Variants in ACSS3 observed in about 807,000 individuals in gnomAD.
ACSS3 encodes the protein acyl-CoA synthetase short-chain family member 3, mitochondrial.
In ACSS3, 64 loss-of-function variants were observed where a neutral mutation model predicts 84.2. The ratio of observed to expected loss-of-function variants is 0.76; its 90% CI spans 0.62 to 0.94. The LOEUF (loss-of-function observed/expected upper bound fraction) is 0.94. Ranked by LOEUF, ACSS3 falls within the 40% of genes least tolerant of loss-of-function variation. The pLI is 0.00. For synonymous variants in ACSS3, 317 were observed against 310.1 expected (o/e 1.02, Z -0.23); for missense variants, 815 against 867.6 (o/e 0.94, Z 0.76).
chr12:81,228,965 G>C (rs1340275512), intron 11 of ACSS3, among the ~76,000 whole-genome samples: 1 of 151,674 alleles, frequency 6.6e-6, no homozygotes, highest in African/African-American at 2.4e-5. Context: ...CAGATATTTG[G>C]ATCAGCACTC....
rs914039814 is a variant in ACSS3 at position 81,143,185 on chromosome 12, C to T, written c.859C>T (p.Pro287Ser). ...AAAAGCCCAGTCACATGACTGTGTT[C>T]CTGTTCTTTCAGAACACCCACTGTA... ...MAKAQSHDCV[P>S]VLSEHPLYIL... Residue 287 changes from proline (P) to serine (S), a missense_variant, in exon 5 of 16, where the codon CCT becomes TCT. Pro to Ser is a moderately conservative substitution (Grantham distance 74). Coordinates refer to ENST00000548058, the MANE Select transcript of ACSS3 (RefSeq NM_024560.4). 2 of 1,613,470 alleles carry T rather than the reference C, an allele frequency of 1.2e-6. No homozygotes were observed.
chr12:81,231,026 C>A, intron 11 of ACSS3, 31 bp from the exon 12 acceptor site: 1 of 1,530,182 alleles, frequency 6.5e-7, no homozygotes, highest in South Asian at 1.1e-5. Flanking sequence ...CCACTTTCAT[C>A]ATAATTTTAA....
rs377606065 is a variant in ACSS3, at chr12:81,254,955, T to C, written c.*33T>C. The C allele has an allele frequency of 3.3e-5, 49 of 1,468,464 alleles. No homozygotes were observed. The East Asian group carries it at 5.9e-4, about 18-fold the overall frequency. The allele number at this position is 1,468,464 out of a possible 1,614,324, so 91.0% of individuals were successfully genotyped here. Reference sequence around the variant, plus strand: ...GTCTTATTCCTATTTTGAGTTGATTTAATTTCTTAATTGAAATTAAATTAT... The same window carrying C: ...GTCTTATTCCTATTTTGAGTTGATTCAATTTCTTAATTGAAATTAAATTAT... On this transcript the variant is annotated 3_prime_UTR_variant, in exon 16 of 16. Transcript: ENST00000548058.
chr12:81,151,698 C>A, intron 5 of ACSS3, 146 bp from the exon 6 acceptor site: 1 of 631,046 alleles, frequency 1.6e-6, no homozygotes, highest in Non-Finnish European at 2.6e-6. Flanking sequence ...AATAATGATT[C>A]AAAGATAATT....
rs1271429135 is a variant in ACSS3, at chr12:81,217,121, A to T, written c.1450+125A>T. On this transcript the variant is annotated intron_variant, in intron 10 of 15. Transcript: ENST00000548058. The stretch of plus-strand genomic sequence containing the variant: ...GAATCTGGTTGAATGAATGCCTTGT[A>T]TTAAAAATGAATGCCTTAATTTTTG... 4 of 636,882 alleles carry T rather than the reference A, an allele frequency of 6.3e-6. No individual in the cohort carries two copies. In the Admixed American group the frequency reaches 8.7e-5, roughly 14 times the overall value. The allele number at this position is 636,882 out of a possible 1,614,324, so 39.5% of individuals were successfully genotyped here.
chr12:81,079,567 C>T (rs1025570596), intron 1 of ACSS3, among the ~76,000 whole-genome samples: 2 of 152,162 alleles, frequency 1.3e-5, no homozygotes, highest in African/African-American at 4.8e-5. Context: ...CATGGTGTTC[C>T]CTTTAGAATC....
At chr12:81,225,497 G>C (rs537198363) in intron 11 of ACSS3, among the ~76,000 whole-genome samples, 1 of 151,988 alleles carries the variant, frequency 6.6e-6, no homozygotes, top group Admixed American at 6.6e-5. Flanking sequence ...AAACACACAT[G>C]CTATTTCCAG....
chr12:81,250,937 T>C (rs2034130574), intron 13 of ACSS3, among the ~76,000 whole-genome samples: 1 of 152,172 alleles, frequency 6.6e-6, no homozygotes, highest in Admixed American at 6.5e-5. Flanking sequence ...GCAGTAAAAG[T>C]TGTCTCTCTG....
intron 5 of ACSS3, 126 bp from the exon 6 acceptor site, chr12:81,151,718 C>A: frequency 1.4e-6 from 1 of 718,514 alleles, no homozygotes; most frequent in African/African-American, 1.8e-5. Context: ...TTTATAAAAG[C>A]CAAAGTAACT....
At chr12:81,225,082 C>T (rs2033228310) in intron 11 of ACSS3, among the ~76,000 whole-genome samples, 1 of 151,488 alleles carries the variant, frequency 6.6e-6, no homozygotes. Flanking sequence ...ATGTAGGGTT[C>T]AGTACTACCA....
intron 5 of ACSS3, among the ~76,000 whole-genome samples, chr12:81,149,657 A>G (rs928482225): frequency 5.9e-5 from 9 of 152,176 alleles, no homozygotes; most frequent in Non-Finnish European, 1.5e-5. Context: ...TTCTTTAAAA[A>G]ATAAAAGTAA....
Position 81,257,321 on chromosome 12 carries a change from T to C in ACSS3, c.*2399T>C, listed in dbSNP as rs1375865046. The C allele has an allele frequency of 2.0e-5, 3 of 152,158 alleles. No homozygotes were observed. The highest frequency in any genetic ancestry group is 2.1e-4 in the South Asian group (1 of 4,836). 9.4% of individuals were successfully genotyped at this position (152,158 alleles called of 1,614,324 possible). A position where few individuals can be genotyped will look rare whatever the true frequency, so the allele number is the denominator to read the frequency against. Reference sequence around the variant, plus strand: ...ATGAAAAAATAGGGCAAGAAAGATATACCTGAATCATCAGACTGCTTAAAA... The same window carrying C: ...ATGAAAAAATAGGGCAAGAAAGATACACCTGAATCATCAGACTGCTTAAAA... On this transcript the variant is annotated 3_prime_UTR_variant, in exon 16 of 16. Transcript: ENST00000548058.
chr12:81,115,918 A>G (rs1222867058), intron 2 of ACSS3, among the ~76,000 whole-genome samples: 1 of 152,140 alleles, frequency 6.6e-6, no homozygotes, highest in Non-Finnish European at 1.5e-5. Flanking sequence ...AAAGCTTGCC[A>G]GTAGAATATT....
rs745958355 is a variant in ACSS3, at chr12:81,174,922, G to A, written c.1233G>A (p.Lys411=). ...RQQDPGAALG[K]QYSLTRFKTL... ...AGGACCCTGGGGCAGCTTTGGGGAA[G>A]CAGTACTCTCTGACAAGGTGACGTT... The change falls in exon 8 of 16, where the codon AAG becomes AAA. Residue 411 remains lysine, a synonymous_variant. Coordinates refer to ENST00000548058, the MANE Select transcript of ACSS3 (RefSeq NM_024560.4). The A allele has an allele frequency of 3.1e-6, 5 of 1,613,810 alleles. No individual in the cohort carries two copies. The highest frequency in any genetic ancestry group is 3.3e-5 in the Admixed American group (2 of 60,004).
intron 2 of ACSS3, among the ~76,000 whole-genome samples, chr12:81,132,829 C>T (rs1019532885): frequency 2.4e-4 from 37 of 152,078 alleles, no homozygotes; most frequent in Non-Finnish European, 2.4e-4. Context: ...TTGGCTATGA[C>T]TAGCTATTCT....
chr12:81,226,855 A>G (rs1439091732), intron 11 of ACSS3, among the ~76,000 whole-genome samples: 1 of 151,850 alleles, frequency 6.6e-6, no homozygotes, highest in Non-Finnish European at 1.5e-5. Context: ...TCTTTCTAGA[A>G]CAAAGATCCA....
chr12:81,170,908 AAAAT>A (rs1045628372), intron 7 of ACSS3, among the ~76,000 whole-genome samples: 1 of 152,128 alleles, frequency 6.6e-6, no homozygotes, highest in Non-Finnish European at 1.5e-5. Context: ...AATTTTAAAT[AAAAT>A]AAATAAGCCA....
At chr12:81,238,481 C>T (rs539229021) in intron 13 of ACSS3, among the ~76,000 whole-genome samples, 7 of 151,728 alleles carry the variant, frequency 4.6e-5, no homozygotes, top group Admixed American at 6.6e-5. Flanking sequence ...AATTCACCAA[C>T]GAACCTATCT....
intron 2 of ACSS3, among the ~76,000 whole-genome samples, chr12:81,132,108 C>A (rs1182372310): frequency 6.6e-6 from 1 of 152,074 alleles, no homozygotes; most frequent in Non-Finnish European, 1.5e-5. Flanking sequence ...TGTGTCTCTG[C>A]CAGGCTTTGG....
Sources: allele counts gnomAD v4.1 joint callset (sites outside exome capture counted in the v4.1 genomes callset), GRCh38; gene constraint gnomAD v4.1.1; transcripts MANE v1.5; gene names NCBI Gene and HGNC (gene_info 2026-07-23, HGNC 2026-07-21).